Variants in RBMS1 observed in about 807,000 individuals in gnomAD.
The protein encoded by RBMS1 is RNA binding motif single stranded interacting protein 1.
In RBMS1, 17 loss-of-function variants were observed where a neutral mutation model predicts 62.3. The observed-to-expected ratio is 0.27, with a 90% CI of 0.19 to 0.41. RBMS1 has a LOEUF of 0.41. RBMS1 is among the 10% of genes least tolerant of loss of function. The pLI is 1.00. For missense variants in RBMS1, 334 were observed against 504.5 expected (o/e 0.66, Z 3.24); for synonymous variants, 172 against 170.0 (o/e 1.01, Z -0.09).
chr2:160,488,160 A>C (rs1685673946), intron 1 of RBMS1, among the ~76,000 whole-genome samples: 1 of 152,218 alleles, frequency 6.6e-6, no homozygotes, highest in African/African-American at 2.4e-5. Context: ...CATTTGTTCT[A>C]AAATTACATT....
rs1422483388 is a variant in RBMS1, at chr2:160,493,779, G to A, written c.-416C>T. 3 of 176,256 alleles carry A rather than the reference G, an allele frequency of 1.7e-5. No homozygotes were observed. The highest frequency in any genetic ancestry group is 7.2e-5 in the African/African-American group (3 of 41,638). The allele number at this position is 176,256 out of a possible 1,614,324, so 10.9% of individuals were successfully genotyped here. On this transcript the variant is annotated 5_prime_UTR_variant, in exon 1 of 14. Transcript: ENST00000348849. ...AATACAAGTGGAAAGTGCGGCAGCG[G>A]CGGCTGCGCTTGGTGCCAGGCGGCA...
intron 1 of RBMS1, among the ~76,000 whole-genome samples, chr2:160,448,470 T>C (rs1356036627): frequency 1.3e-5 from 2 of 152,236 alleles, no homozygotes; most frequent in African/African-American, 2.4e-5. Context: ...GGTTTTTGCA[T>C]TTTTTGATGG....
chr2:160,403,522 T>A (rs1033031175), intron 1 of RBMS1, among the ~76,000 whole-genome samples: 3 of 152,214 alleles, frequency 2.0e-5, no homozygotes, highest in African/African-American at 7.2e-5. Context: ...ATTCCTCACG[T>A]GCAGCTACAC....
intron 5 of RBMS1, 104 bp from the exon 6 acceptor site, chr2:160,300,834 G>A: frequency 3.2e-6 from 4 of 1,237,358 alleles, no homozygotes; most frequent in Non-Finnish European, 4.2e-6. Context: ...GGATATAAAT[G>A]AAACCTAGTA....
At chr2:160,472,760 T>C (rs1684972869) in intron 1 of RBMS1, among the ~76,000 whole-genome samples, 1 of 152,202 alleles carries the variant, frequency 6.6e-6, no homozygotes, top group African/African-American at 2.4e-5. Context: ...TCTTTGACAG[T>C]CACAGAAATA....
chr2:160,433,147 C>T (rs1041176724), intron 1 of RBMS1, among the ~76,000 whole-genome samples: 5 of 152,108 alleles, frequency 3.3e-5, no homozygotes, highest in Non-Finnish European at 7.3e-5. Context: ...AGTGAGGTAG[C>T]TCACATCTGT....
intron 1 of RBMS1, among the ~76,000 whole-genome samples, chr2:160,389,755 A>G (rs1469207495): frequency 1.3e-5 from 2 of 150,984 alleles, no homozygotes; most frequent in Non-Finnish European, 2.9e-5. Flanking sequence ...TAATTAACCA[A>G]CAATCACATA....
intron 1 of RBMS1, among the ~76,000 whole-genome samples, chr2:160,480,718 A>G (rs1685329676): frequency 6.6e-6 from 1 of 152,196 alleles, no homozygotes; most frequent in African/African-American, 2.4e-5. Flanking sequence ...GCTAAAATTT[A>G]TAAGGAAATG....
chr2:160,489,421 C>T (rs1207872302), intron 1 of RBMS1, among the ~76,000 whole-genome samples: 2 of 152,108 alleles, frequency 1.3e-5, no homozygotes, highest in African/African-American at 4.8e-5. Flanking sequence ...TGTGTACTTC[C>T]ACTTCATTAG....
intron 1 of RBMS1, among the ~76,000 whole-genome samples, chr2:160,369,755 C>T (rs1027045196): frequency 6.6e-6 from 1 of 152,160 alleles, no homozygotes; most frequent in Non-Finnish European, 1.5e-5. Flanking sequence ...AACCATCAGG[C>T]ATTTTAAAGA....
At chr2:160,284,216 TG>T (rs1456115586) in intron 9 of RBMS1, 2 of 153,846 alleles carry the variant, frequency 1.3e-5, no homozygotes, top group African/African-American at 4.8e-5. Context: ...CAAGAGTTTT[TG>T]TTGCTAAGTT....
At chr2:160,368,592 A>T (rs1261718665) in intron 1 of RBMS1, among the ~76,000 whole-genome samples, 2 of 152,170 alleles carry the variant, frequency 1.3e-5, no homozygotes, top group African/African-American at 4.8e-5. Flanking sequence ...TGCCATGGTC[A>T]TCCTAATTCC....
At chr2:160,428,605 A>G (rs1271821885) in intron 1 of RBMS1, among the ~76,000 whole-genome samples, 1 of 152,232 alleles carries the variant, frequency 6.6e-6, no homozygotes, top group Non-Finnish European at 1.5e-5. Context: ...GTGTCAACCT[A>G]CGAGACAGTA....
At chr2:160,407,965 C>T (rs1436391102) in intron 1 of RBMS1, 2 of 969,542 alleles carry the variant, frequency 2.1e-6, no homozygotes, top group Non-Finnish European at 2.4e-6. Context: ...CGCCCAGGCC[C>T]ACCCGCGCCT....
At chr2:160,408,354 T>C (rs1446216151) in intron 1 of RBMS1, among the ~76,000 whole-genome samples, 1 of 151,902 alleles carries the variant, frequency 6.6e-6, no homozygotes. Flanking sequence ...CACCCCTACT[T>C]CAACGAACAC....
chr2:160,390,211 T>C (rs1012720983), intron 1 of RBMS1, among the ~76,000 whole-genome samples: 3 of 152,160 alleles, frequency 2.0e-5, no homozygotes, highest in African/African-American at 7.2e-5. Context: ...CACATCAGAA[T>C]TGTTCTAATG....
At chr2:160,489,626 A>T (rs1685737737) in intron 1 of RBMS1, among the ~76,000 whole-genome samples, 1 of 152,170 alleles carries the variant, frequency 6.6e-6, no homozygotes, top group Admixed American at 6.5e-5. Flanking sequence ...TTATTTTCAG[A>T]TTCTGAAGCT....
intron 1 of RBMS1, among the ~76,000 whole-genome samples, chr2:160,402,683 G>A (rs922648529): frequency 2.0e-5 from 3 of 152,184 alleles, no homozygotes; most frequent in African/African-American, 4.8e-5. Flanking sequence ...GTAAAGGGAA[G>A]TGTAGTGAGG....
At chr2:160,400,599 C>T (rs888869308) in intron 1 of RBMS1, among the ~76,000 whole-genome samples, 1 of 152,084 alleles carries the variant, frequency 6.6e-6, no homozygotes, top group African/African-American at 2.4e-5. Context: ...ATATTTAGAA[C>T]AGCTACTCTC....
Sources: gnomAD v4.1 joint callset for allele counts (sites outside exome capture counted in the v4.1 genomes callset) on GRCh38, gnomAD v4.1.1 for gene constraint, MANE v1.5 for transcripts, NCBI Gene and HGNC (gene_info 2026-07-23, HGNC 2026-07-21) for gene names.